EPHA3: variants seen among roughly 807,000 people sequenced by gnomAD.
The protein encoded by EPHA3 is EPH receptor A3, also known as ephrin type-A receptor 3.
A neutral mutation model predicts 107.1 loss-of-function variants in EPHA3; 42 were observed. That is an observed-to-expected ratio of 0.39 (90% CI 0.31 to 0.51). The LOEUF is 0.51. Among genes scored for constraint, EPHA3 ranks in the 20% least tolerant of loss-of-function variants. The probability of loss-of-function intolerance (pLI) is 0.78; values close to 1 mark genes in which losing one functional copy is unlikely to be tolerated. For missense variants in EPHA3, 1,183 were observed against 1,211.2 expected, an observed-to-expected ratio of 0.98 and a Z score of 0.35; for synonymous variants, 461 against 424.8, an observed-to-expected ratio of 1.09 and a Z score of -1.05.
chr3:89,383,333 C>T (rs1459646081), intron 5 of EPHA3, among the ~76,000 whole-genome samples: 4 of 152,154 alleles, frequency 2.6e-5, no homozygotes, highest in Non-Finnish European at 4.4e-5. Context: ...ATAGCCTTTC[C>T]GAATAGTTTT....
chr3:89,261,236 T>C (rs1323507396), intron 3 of EPHA3, among the ~76,000 whole-genome samples: 1 of 152,224 alleles, frequency 6.6e-6, no homozygotes, highest in Non-Finnish European at 1.5e-5. Context: ...ACTTGTATAT[T>C]CTTTCTTCTT....
intron 2 of EPHA3, among the ~76,000 whole-genome samples, chr3:89,161,610 T>A (rs1167429564): frequency 1.3e-5 from 2 of 152,166 alleles, no homozygotes; most frequent in Non-Finnish European, 2.9e-5. Flanking sequence ...ATTCATTTTA[T>A]ATATACATAT....
chr3:89,197,968 C>T (rs920511360), intron 2 of EPHA3, among the ~76,000 whole-genome samples: 1 of 151,620 alleles, frequency 6.6e-6, no homozygotes, highest in African/African-American at 2.4e-5. Flanking sequence ...AGAGCAAGAC[C>T]CTGTCTCAAA....
chr3:89,202,794 G>T (rs181886114), intron 2 of EPHA3, among the ~76,000 whole-genome samples: 6 of 152,060 alleles, frequency 3.9e-5, no homozygotes, highest in Non-Finnish European at 8.8e-5. Flanking sequence ...GTATAAATAT[G>T]TGATTGAAAG....
At chr3:89,260,251 T>G (rs1239223220) in intron 3 of EPHA3, among the ~76,000 whole-genome samples, 2 of 152,214 alleles carry the variant, frequency 1.3e-5, no homozygotes, top group Non-Finnish European at 2.9e-5. Context: ...CTGTGGAACC[T>G]CCATGCTCTT....
At chr3:89,266,666 T>C (rs13100590) in intron 3 of EPHA3, among the ~76,000 whole-genome samples, 36,778 of 151,970 alleles carry the variant, frequency 0.24, 4,888 homozygotes, top group African/African-American at 0.37. Context: ...TTTCTTTATG[T>C]TTCTTTATCC....
intron 1 of EPHA3, among the ~76,000 whole-genome samples, chr3:89,122,980 AGAGAG>A (rs1176950227): frequency 1.3e-5 from 2 of 152,158 alleles, no homozygotes; most frequent in East Asian, 3.9e-4. Context: ...GGAAAGGAAG[AGAGAG>A]GATGACTCTG....
chr3:89,370,949 A>T lies in EPHA3; in HGVS notation c.1307-24888A>T, dbSNP rs568799860. ...TTTTTCATCTTTTCTGTGCACCTAGACAAAACATCTACATTTTGGTAATGG... is the reference window on the plus strand; with the variant it reads ...TTTTTCATCTTTTCTGTGCACCTAGTCAAAACATCTACATTTTGGTAATGG... On this transcript the variant is annotated intron_variant, in intron 5 of 16. Transcript: ENST00000336596. Among the ~76,000 whole-genome samples the T allele has an allele frequency of 2.9e-3, 272 of 92,364 alleles. 1 individual carries two copies. The highest frequency in any genetic ancestry group is 5.8e-3 in the Non-Finnish European group (210 of 36,116). 60.6% of individuals were successfully genotyped at this position (92,364 alleles called of 152,430 possible).
At chr3:89,415,566 T>C (rs1709231138) in intron 10 of EPHA3, among the ~76,000 whole-genome samples, 1 of 149,024 alleles carries the variant, frequency 6.7e-6, no homozygotes, top group Non-Finnish European at 1.5e-5. Context: ...CTTGTATACA[T>C]TGGACTATAG....
chr3:89,211,791 C>A (rs1559603027), intron 3 of EPHA3, among the ~76,000 whole-genome samples: 1 of 122,408 alleles, frequency 8.2e-6, no homozygotes, highest in Non-Finnish European at 1.7e-5. Context: ...TCTTCTTCTT[C>A]TTCTTCTTCT....
chr3:89,389,158 C>T (rs1708678228), intron 5 of EPHA3, among the ~76,000 whole-genome samples: 2 of 152,024 alleles, frequency 1.3e-5, no homozygotes, highest in African/African-American at 4.8e-5. Flanking sequence ...AATAGAAAAT[C>T]AGAACACCAG....
At chr3:89,272,256 A>AT (rs1298248326) in intron 3 of EPHA3, among the ~76,000 whole-genome samples, 5 of 150,238 alleles carry the variant, frequency 3.3e-5, no homozygotes, top group South Asian at 2.1e-4. Context: ...CCGTACTACC[A>AT]TTTTTTTTGT....
chr3:89,125,217 C>T (rs1253166972), intron 1 of EPHA3, among the ~76,000 whole-genome samples: 3 of 151,740 alleles, frequency 2.0e-5, no homozygotes, highest in Admixed American at 2.0e-4. Flanking sequence ...GCCATTTAAA[C>T]CCCTAAGGAC....
chr3:89,360,510 T>G (rs1184241563), intron 5 of EPHA3, among the ~76,000 whole-genome samples: 1 of 150,772 alleles, frequency 6.6e-6, no homozygotes, highest in Non-Finnish European at 1.5e-5. Flanking sequence ...GCTGTTGGAG[T>G]CATTTGGCGC....
chr3:89,319,083 TTGCCAGTATCACTTA>T (rs1424516813), intron 3 of EPHA3, among the ~76,000 whole-genome samples: 1 of 152,010 alleles, frequency 6.6e-6, no homozygotes, highest in East Asian at 1.9e-4. Flanking sequence ...CTGAATCTCC[TTGCCAGTATCACTTA>T]TCTTTTCTCC....
At chr3:89,282,012 G>C (rs1294320048) in intron 3 of EPHA3, among the ~76,000 whole-genome samples, 2 of 152,166 alleles carry the variant, frequency 1.3e-5, no homozygotes, top group African/African-American at 4.8e-5. Context: ...TGCAGATTAT[G>C]TCAATTATAT....
intron 2 of EPHA3, among the ~76,000 whole-genome samples, chr3:89,167,456 G>A (rs774507324): frequency 2.6e-5 from 4 of 152,032 alleles, no homozygotes; most frequent in Admixed American, 2.6e-4. Context: ...AGGGAGAAAA[G>A]CTATTTCTCT....
intron 3 of EPHA3, among the ~76,000 whole-genome samples, chr3:89,234,681 CCTTTCCTCCTTTCCTTCCTT>C (rs1704711366): frequency 6.6e-6 from 1 of 151,800 alleles, no homozygotes; most frequent in South Asian, 2.1e-4. Flanking sequence ...TTCCTTTCCT[CCTTTCCTCCTTTCCTTCCTT>C]CTTTCCCCCT....
intron 3 of EPHA3, among the ~76,000 whole-genome samples, chr3:89,324,019 G>A (rs551230409): frequency 1.3e-5 from 2 of 151,848 alleles, no homozygotes; most frequent in Non-Finnish European, 2.9e-5. Flanking sequence ...TGCTAACTTG[G>A]CATTTCCTAT....
Sources: gnomAD v4.1 joint callset for allele counts (sites outside exome capture counted in the v4.1 genomes callset) on GRCh38, gnomAD v4.1.1 for gene constraint, MANE v1.5 for transcripts, NCBI Gene and HGNC (gene_info 2026-07-23, HGNC 2026-07-21) for gene names.